The following LGI4 variants were observed in gnomAD, a reference collection of about 807,000 sequenced individuals.
The protein encoded by LGI4 is leucine rich repeat LGI family member 4.
In LGI4, 36 loss-of-function variants were observed where a neutral mutation model predicts 48.3. The ratio of observed to expected loss-of-function variants is 0.75; its 90% confidence interval spans 0.57 to 0.98. The LOEUF is 0.98. Ranked by LOEUF, LGI4 falls within the 50% of genes least tolerant of loss-of-function variation. The pLI, the probability that LGI4 is intolerant of heterozygous loss-of-function variation, is 0.00. For synonymous variants in LGI4, 355 were observed against 331.6 expected, an observed-to-expected ratio of 1.07 and a Z score of -0.77; for missense variants, 701 against 732.1, an observed-to-expected ratio of 0.96 and a Z score of 0.49.
chr19:35,131,879 G>C lies in LGI4; in HGVS notation c.387-19C>G, dbSNP rs751518279. The C allele has an allele frequency of 3.2e-6, 5 of 1,565,148 alleles. No individual in the cohort carries two copies. Among genetic ancestry groups the C allele is most frequent in the Non-Finnish European group, 4.3e-6 (5 of 1,154,142 alleles). The stretch of plus-strand genomic sequence containing the variant: ...CAGGCTTCTGGTGGAGGAAGAGAAG[G>C]CACCGTCAGCAGCCACAAGGATACC... On this transcript the variant is annotated intron_variant, in intron 4 of 8. Coordinates refer to ENST00000310123, the MANE Select transcript of LGI4 (RefSeq NM_139284.3).
rs372517832 is a variant in LGI4, at chr19:35,125,267, G to A, written c.1540C>T (p.Arg514Cys). Residue 514 changes from arginine (R) to cysteine (C), a missense_variant, in exon 9 of 9, where the codon CGC becomes TGC. Arg to Cys is a radical substitution (Grantham distance 180). Around this residue, in one of 3 missense-constraint regions of LGI4, gnomAD observed 223 missense variants for 263.3 expected, o/e 0.85. Transcript: ENST00000310123. Reference protein sequence around the residue: ...AFAHITMAGRRFLFAACFKGP... With the variant: ...AFAHITMAGRCFLFAACFKGP... The stretch of plus-strand genomic sequence containing the variant: ...TTAAAGCAAGCAGCAAAGAGGAAGC[G>A]TCTGCCGGCCATAGTGATGTGGGCA... 3.1e-5 allele frequency: 49 copies of A among 1,599,414 alleles called. No individual in the cohort carries two copies. Among genetic ancestry groups the A allele is most frequent in the South Asian group, 4.4e-5 (4 of 90,506 alleles).
intron 3 of LGI4, among the ~76,000 whole-genome samples, chr19:35,132,863 C>A (rs2065185230): frequency 6.6e-6 from 1 of 152,166 alleles, no homozygotes; most frequent in Admixed American, 6.5e-5. Flanking sequence ...TCACCCACCA[C>A]CAGTACTACC....
chr19:35,134,938 A>T lies in LGI4; in HGVS notation c.-258T>A. The T allele has an allele frequency of 4.3e-6, 2 of 468,900 alleles. No homozygotes were observed. The highest frequency in any genetic ancestry group is 7.5e-6 in the Non-Finnish European group (2 of 267,404). The allele number at this position is 468,900 out of a possible 1,614,324, so 29.0% of individuals were successfully genotyped here. On this transcript the variant is annotated 5_prime_UTR_variant, in exon 1 of 9. Transcript: ENST00000310123. ...TGACTCTGTGTGTTAGTCTGTTTCT[A>T]TTTCTGTCTTTGTCTCTCTTTCTGC...
intron 6 of LGI4, among the ~76,000 whole-genome samples, chr19:35,128,570 C>T (rs1172118953): frequency 3.3e-5 from 5 of 152,068 alleles, no homozygotes; most frequent in African/African-American, 9.7e-5. Context: ...AATTAGCAGG[C>T]ATGGTGGTGG....
chr19:35,130,095 T>C (rs2065164586), intron 6 of LGI4, among the ~76,000 whole-genome samples: 1 of 152,158 alleles, frequency 6.6e-6, no homozygotes, highest in Non-Finnish European at 1.5e-5. Context: ...CATGTTTTCC[T>C]GCTGACCCTC....
rs776187806 is a variant in LGI4, at chr19:35,126,888, C to T, written c.758G>A (p.Ser253Asn). Reference sequence around the variant, plus strand: ...TTCCTCGGGCCGGAAGCGCTGCAGGCTGTAGTCCCAGGAGAGAATCAGGCA... The same window carrying T: ...TTCCTCGGGCCGGAAGCGCTGCAGGTTGTAGTCCCAGGAGAGAATCAGGCA... ...GRCLILSWDY[S>N]LQRFRPEEEL... Residue 253 changes from serine to asparagine, a missense_variant, in exon 7 of 9, where the codon AGC (serine) becomes AAC (asparagine). Ser to Asn is a conservative substitution (Grantham distance 46). Around this residue, in one of 3 missense-constraint regions of LGI4, gnomAD observed 462 missense variants for 436.4 expected, o/e 1.06. Transcript: ENST00000310123. 1 of 1,613,398 alleles carries T rather than the reference C, an allele frequency of 6.2e-7. No individual in the cohort carries two copies. The highest frequency in any genetic ancestry group is 8.5e-7 in the Non-Finnish European group (1 of 1,179,882).
Position 35,126,636 on chromosome 19 carries a change from C to T in LGI4, c.933G>A (p.Pro311=), listed in dbSNP as rs1278626626. The T allele has an allele frequency of 4.5e-6, 7 of 1,539,860 alleles. No homozygotes were observed. Among genetic ancestry groups the T allele is most frequent in the Middle Eastern group, 1.7e-4 (1 of 5,808 alleles). Residue 311 remains proline (P), a synonymous_variant, in exon 8 of 9, where the codon CCG becomes CCA. Coordinates refer to ENST00000310123, the MANE Select transcript of LGI4 (RefSeq NM_139284.3). ...LRLAPTQTLA[P]RRLLRPNDAE... is the part of the protein sequence containing the mutation. The stretch of plus-strand genomic sequence containing the variant: ...CGTCATTGGGCCGCAGCAGCCGCCG[C>T]GGGGCCAGGGTCTGCGTTGGGGCCA...
intron 8 of LGI4, 50 bp from the exon 9 acceptor site, chr19:35,125,557 G>A (rs1259686756): frequency 2.1e-6 from 3 of 1,445,662 alleles, no homozygotes; most frequent in South Asian, 2.8e-5. Context: ...GTCTCTGGGG[G>A]CCGTGGAACA....
intron 2 of LGI4, 77 bp downstream of exon 2, chr19:35,133,956 T>G: frequency 2.8e-6 from 4 of 1,419,994 alleles, no homozygotes; most frequent in Admixed American, 2.0e-5. Flanking sequence ...GACATCTGTG[T>G]GAGCATACAC....
At chr19:35,127,141 A>G (rs969473534) in intron 6 of LGI4, 124 bp from the exon 7 acceptor site, 1 of 991,130 alleles carries the variant, frequency 1.0e-6, no homozygotes, top group Non-Finnish European at 1.4e-6. Context: ...GGGACATATA[A>G]CTGGAATCTT....
intron 6 of LGI4, 48 bp from the exon 7 acceptor site, chr19:35,127,065 C>T: frequency 1.3e-6 from 2 of 1,513,918 alleles, no homozygotes; most frequent in Non-Finnish European, 1.8e-6. Context: ...CCCCAGGGTC[C>T]TCATTGCTGA....
At chr19:35,128,138 G>A (rs758496854) in intron 6 of LGI4, among the ~76,000 whole-genome samples, 11 of 152,232 alleles carry the variant, frequency 7.2e-5, no homozygotes, top group Non-Finnish European at 1.6e-4. Context: ...CCCAGGGACT[G>A]CCCCACGTAC....
At position 35,132,047 on chromosome 19, in the gene LGI4, G is replaced by A; in HGVS notation, c.315-5C>T. 1 of 1,570,378 alleles carries A rather than the reference G, an allele frequency of 6.4e-7. No individual in the cohort carries two copies. Among genetic ancestry groups the A allele is most frequent in the Non-Finnish European group, 8.6e-7 (1 of 1,157,098 alleles). On this transcript the variant is annotated splice_region_variant and splice_polypyrimidine_tract_variant and intron_variant, in intron 3 of 8. Transcript: ENST00000310123. ...ATCTCATTGTCCTCGATGAAGCTGTGGAGGGAAGCTGGGGTCAGGGGGAGG... is the reference window on the plus strand; with the variant it reads ...ATCTCATTGTCCTCGATGAAGCTGTAGAGGGAAGCTGGGGTCAGGGGGAGG...
chr19:35,134,753 C>T lies in LGI4; in HGVS notation c.-73G>A, dbSNP rs575332136. 304 of 768,528 alleles carry T rather than the reference C, an allele frequency of 4.0e-4. No homozygotes were observed. In the African/African-American group the frequency reaches 5.1e-3, roughly 13 times the overall value. 47.6% of individuals were successfully genotyped at this position (768,528 alleles called of 1,614,324 possible). A position where few individuals can be genotyped will look rare whatever the true frequency, so the allele number is the denominator to read the frequency against. ...TCAGCCCAGGCCACTACGTCTCCTC[C>T]TCCACCAGGCCGCCCTCCATCCGCC... On this transcript the variant is annotated 5_prime_UTR_variant, in exon 1 of 9. Coordinates refer to ENST00000310123, the MANE Select transcript of LGI4 (RefSeq NM_139284.3).
Position 35,131,503 on chromosome 19 carries a change from G to A in LGI4, c.511C>T (p.Gln171Ter). ...CTGGCATTCACGGTGGGCATCCACT[G>A]CAGGAGCCAGAGGACGCGGCAGTCA... The part of the protein sequence containing the change: ...QCDCRVLWLL[Q>*]WMPTVNASVG... Residue 171 changes from glutamine to a stop codon, truncating the protein, a stop_gained, in exon 6 of 9, where the codon CAG (glutamine) becomes TAG (stop). Transcript: ENST00000310123. LOFTEE classifies it high-confidence loss of function. 1 of 1,551,332 alleles carries A rather than the reference G, an allele frequency of 6.4e-7. No homozygotes were observed. The highest frequency in any genetic ancestry group is 8.7e-7 in the Non-Finnish European group (1 of 1,146,954).
intron 6 of LGI4, among the ~76,000 whole-genome samples, chr19:35,129,894 C>T (rs2065163388): frequency 6.6e-6 from 1 of 152,038 alleles, no homozygotes; most frequent in South Asian, 2.1e-4. Context: ...AAAACCCGAT[C>T]GTACATTCTG....
At chr19:35,133,590 C>G in intron 3 of LGI4, 103 bp downstream of exon 3, 2 of 1,496,432 alleles carry the variant, frequency 1.3e-6, no homozygotes, top group Non-Finnish European at 9.0e-7. Context: ...GTCCAAACAC[C>G]TGCTCCTCAG....
At chr19:35,130,311 G>C (rs1353523652) in intron 6 of LGI4, among the ~76,000 whole-genome samples, 1 of 152,148 alleles carries the variant, frequency 6.6e-6, no homozygotes, top group Non-Finnish European at 1.5e-5. Context: ...CACCTTGCGA[G>C]AAATACCCAC....
rs2065174734 is a variant in LGI4, at chr19:35,131,524, AGTCACACTGGAACGGGTTCCCGCGGAG to A, written c.463_489del (p.Leu155_Asp163del). 1 of 1,551,246 alleles carries A rather than the reference AGTCACACTGGAACGGGTTCCCGCGGAG, an allele frequency of 6.4e-7. No homozygotes were observed. The highest frequency in any genetic ancestry group is 1.4e-5 in the African/African-American group (1 of 73,154). On this transcript the variant is annotated inframe_deletion, in exon 6 of 9. Transcript: ENST00000310123. ...CACTGCAGGAGCCAGAGGACGCGGC[AGTCACACTGGAACGGGTTCCCGCGGAG>A]GTCCCTGGGGCAAGAGGCCAGGGAG...
Sources: allele counts gnomAD v4.1 joint callset (sites outside exome capture counted in the v4.1 genomes callset), GRCh38; gene constraint gnomAD v4.1.1; regional missense constraint gnomAD v4.1.1; transcripts MANE v1.5; gene names NCBI Gene and HGNC (gene_info 2026-07-23, HGNC 2026-07-21).